Variants in TNIK observed in about 807,000 individuals in gnomAD.
TNIK encodes TRAF2 and NCK-interacting protein kinase.
Under a neutral mutation model 191.3 loss-of-function variants are expected in TNIK, and 49 were observed. That is an observed-to-expected ratio of 0.26 (90% CI 0.20 to 0.32). The LOEUF is 0.32. TNIK is among the 10% of genes least tolerant of loss of function. The pLI, the probability that TNIK is intolerant of heterozygous loss-of-function variation, is 1.00. For missense variants in TNIK, 1,155 were observed against 1,702.3 expected, an observed-to-expected ratio of 0.68 and a Z score of 5.66; for synonymous variants, 594 against 600.9, an observed-to-expected ratio of 0.99 and a Z score of 0.17.
intron 9 of TNIK, among the ~76,000 whole-genome samples, chr3:171,171,126 GGTTAAATAGCTTAGC>G (rs1735230234): frequency 6.6e-6 from 1 of 152,090 alleles, no homozygotes; most frequent in Non-Finnish European, 1.5e-5. Context: ...TTCACGTATG[GGTTAAATAGCTTAGC>G]AGGAGGAGTC....
intron 22 of TNIK, among the ~76,000 whole-genome samples, chr3:171,094,788 C>T (rs1306314194): frequency 1.3e-5 from 2 of 152,164 alleles, no homozygotes; most frequent in South Asian, 2.1e-4. Context: ...AGCCCCTCTT[C>T]TTTTCTCTTC....
intron 1 of TNIK, among the ~76,000 whole-genome samples, chr3:171,413,985 T>C (rs1446966012): frequency 2.0e-5 from 3 of 152,208 alleles, no homozygotes; most frequent in Admixed American, 6.5e-5. Flanking sequence ...TCACTACCCA[T>C]TTCTCACACG....
At chr3:171,253,013 G>T (rs1052672949) in intron 2 of TNIK, among the ~76,000 whole-genome samples, 1 of 151,796 alleles carries the variant, frequency 6.6e-6, no homozygotes, top group Non-Finnish European at 1.5e-5. Flanking sequence ...ACAGTGGCTC[G>T]TGCCTGTAAT....
At chr3:171,405,735 C>T (rs1039104006) in intron 1 of TNIK, among the ~76,000 whole-genome samples, 5 of 152,150 alleles carry the variant, frequency 3.3e-5, no homozygotes, top group Admixed American at 6.5e-5. Flanking sequence ...ATTCTATTTT[C>T]AACCAAGTTT....
At chr3:171,399,664 A>G (rs1477692716) in intron 1 of TNIK, among the ~76,000 whole-genome samples, 1 of 152,230 alleles carries the variant, frequency 6.6e-6, no homozygotes, top group African/African-American at 2.4e-5. Context: ...ACCAAAAAAC[A>G]AAAAAGGAAT....
chr3:171,083,220 T>A (rs1378242835), intron 26 of TNIK, among the ~76,000 whole-genome samples: 1 of 152,206 alleles, frequency 6.6e-6, no homozygotes, highest in African/African-American at 2.4e-5. Flanking sequence ...TCTTACGTCT[T>A]GTACTTCTAT....
chr3:171,349,810 C>T (rs1192239585), intron 2 of TNIK, among the ~76,000 whole-genome samples: 1 of 152,184 alleles, frequency 6.6e-6, no homozygotes, highest in Non-Finnish European at 1.5e-5. Context: ...AGCATACATT[C>T]ATTGTGGAAT....
At chr3:171,404,295 A>G (rs1336345973) in intron 1 of TNIK, among the ~76,000 whole-genome samples, 1 of 152,184 alleles carries the variant, frequency 6.6e-6, no homozygotes, top group Non-Finnish European at 1.5e-5. Flanking sequence ...GCAATAAAAA[A>G]TGTTCCCTCC....
chr3:171,214,210 G>C (rs1448688515), intron 3 of TNIK, among the ~76,000 whole-genome samples: 1 of 151,516 alleles, frequency 6.6e-6, no homozygotes, highest in Non-Finnish European at 1.5e-5. Context: ...GAAATAGGAA[G>C]GAAGACCGTT....
rs768326471 is a variant in TNIK, at chr3:171,140,496, T to C, written c.1235A>G (p.Glu412Gly). The C allele has an allele frequency of 1.2e-6, 2 of 1,613,432 alleles. No individual in the cohort carries two copies. The highest frequency in any genetic ancestry group is 1.7e-6 in the Non-Finnish European group (2 of 1,179,768). The part of the protein sequence containing the change: ...RRRLEEQQRR[E>G]KELRKQQERE... ...CTCCTGCTGCTTCCGCAGCTCCTTCTCTCGCCTTTGTTGCTGTGGGGCAAC... is the reference window on the plus strand; with the variant it reads ...CTCCTGCTGCTTCCGCAGCTCCTTCCCTCGCCTTTGTTGCTGTGGGGCAAC... Residue 412 changes from glutamate to glycine, a missense_variant, in exon 13 of 33, where the codon GAG becomes GGG. Coordinates refer to ENST00000436636, the MANE Select transcript of TNIK (RefSeq NM_015028.4).
At position 171,180,301 on chromosome 3, in the gene TNIK, C is replaced by T. The variant is rs1036087281; in HGVS notation, c.640-2921G>A. Reference sequence around the variant, plus strand: ...GCCTGCTCAACCCCTGTGTTCTCAACGAGGACCCCTGGGACCTCCCCCCAG... The same window carrying T: ...GCCTGCTCAACCCCTGTGTTCTCAATGAGGACCCCTGGGACCTCCCCCCAG... On this transcript the variant is annotated intron_variant, in intron 7 of 32. Transcript: ENST00000436636. Among the ~76,000 whole-genome samples the T allele has an allele frequency of 2.6e-5, 4 of 152,270 alleles. No homozygotes were observed. The South Asian group carries it at 6.2e-4, about 24-fold the overall frequency.
chr3:171,152,938 T>TC (rs1368139483), intron 12 of TNIK, among the ~76,000 whole-genome samples: 1 of 148,800 alleles, frequency 6.7e-6, no homozygotes, highest in African/African-American at 2.6e-5. Flanking sequence ...CACCCGGCTA[T>TC]TTTTTTGTAT....
intron 4 of TNIK, among the ~76,000 whole-genome samples, chr3:171,204,947 C>T (rs1355571043): frequency 6.6e-6 from 1 of 152,138 alleles, no homozygotes; most frequent in African/African-American, 2.4e-5. Flanking sequence ...ACTCTCTGAG[C>T]CTAGTTTCCT....
chr3:171,110,666 C>T (rs1331848510), intron 19 of TNIK, 48 bp downstream of exon 19: 1 of 1,525,194 alleles, frequency 6.6e-7, no homozygotes. Context: ...CTGTCCACAG[C>T]TTTCCTCCCA....
At position 171,176,300 on chromosome 3, in the gene TNIK, T is replaced by G. The variant is rs116521256; in HGVS notation, c.695-970A>C. Among the ~76,000 whole-genome samples, 128 of 152,290 alleles carry G rather than the reference T, an allele frequency of 8.4e-4. 1 individual carries two copies. The highest frequency in any genetic ancestry group is 3.0e-3 in the African/African-American group (123 of 41,562). On this transcript the variant is annotated intron_variant, in intron 8 of 32. Transcript: ENST00000436636. ...CCAAATCAATCATGCTACAGATGAG[T>G]TCTACCAATTCTAGACTGGGAAGTA...
At chr3:171,208,554 T>TTGTGTGTGTGTG (rs111537330) in intron 4 of TNIK, among the ~76,000 whole-genome samples, 1 of 118,854 alleles carries the variant, frequency 8.4e-6, no homozygotes, top group Non-Finnish European at 1.8e-5. Context: ...TATTTTATTT[T>TTGTGTGTGTGTG]TGTGTGTATG....
Position 171,295,349 on chromosome 3 carries a change from T to G in TNIK, c.124-67128A>C, listed in dbSNP as rs144672363. ...GACTTAAGATATTAGCATCTCTCCT[T>G]CCTGCCTGCCTTCCAGATCCCATGG... On this transcript the variant is annotated intron_variant, in intron 2 of 32. Transcript: ENST00000436636. Among the ~76,000 whole-genome samples the G allele has an allele frequency of 8.4e-3, 1,285 of 152,276 alleles. 13 individuals carry two copies. Among genetic ancestry groups the G allele is most frequent in the African/African-American group, 0.029 (1,212 of 41,540 alleles).
chr3:171,105,183 G>A (rs956753841), intron 21 of TNIK, among the ~76,000 whole-genome samples: 5 of 152,194 alleles, frequency 3.3e-5, no homozygotes, highest in African/African-American at 1.2e-4. Flanking sequence ...TGCAAAAACA[G>A]TCGTTGAGAG....
intron 9 of TNIK, among the ~76,000 whole-genome samples, chr3:171,174,899 C>T (rs1735786230): frequency 6.6e-6 from 1 of 152,042 alleles, no homozygotes; most frequent in Admixed American, 6.5e-5. Context: ...GCCAATCTAA[C>T]AGGCTGACTC....
Sources: allele counts gnomAD v4.1 joint callset (sites outside exome capture counted in the v4.1 genomes callset), GRCh38; gene constraint gnomAD v4.1.1; transcripts MANE v1.5; gene names NCBI Gene and HGNC (gene_info 2026-07-23, HGNC 2026-07-21).